FAT3: variants seen among roughly 807,000 people sequenced by gnomAD.
FAT3 encodes the protein FAT atypical cadherin 3.
FAT3 carries 95 observed loss-of-function variants against 310.2 expected under a neutral mutation model. That is an observed-to-expected ratio of 0.31 (90% CI 0.26 to 0.36). The LOEUF (loss-of-function observed/expected upper bound fraction) is 0.36, where lower values mean the gene tolerates loss of function less well. Ranked by LOEUF, FAT3 falls within the 10% of genes least tolerant of loss-of-function variation. The probability of loss-of-function intolerance (pLI) is 1.00; values close to 1 mark genes in which losing one functional copy is unlikely to be tolerated. For synonymous variants in FAT3, 2,314 were observed against 2,192.9 expected (o/e 1.06, Z -1.54); for missense variants, 5,408 against 5,715.6 (o/e 0.95, Z 1.74).
chr11:92,263,763 A>G (rs1007061104), intron 1 of FAT3, among the ~76,000 whole-genome samples: 1 of 152,020 alleles, frequency 6.6e-6, no homozygotes, highest in African/African-American at 2.4e-5. Flanking sequence ...GTCAGCATTG[A>G]TCATGTCCTA....
chr11:92,508,046 G>C (rs1400532246), intron 2 of FAT3, among the ~76,000 whole-genome samples: 1 of 152,070 alleles, frequency 6.6e-6, no homozygotes, highest in Non-Finnish European at 1.5e-5. Context: ...TTATAAACTT[G>C]TCATAATAAA....
intron 1 of FAT3, among the ~76,000 whole-genome samples, chr11:92,338,025 A>G (rs553721841): frequency 1.3e-5 from 2 of 152,306 alleles, no homozygotes; most frequent in South Asian, 4.1e-4. Context: ...AATCTATTCT[A>G]AAAGAAAATT....
intron 23 of FAT3, among the ~76,000 whole-genome samples, chr11:92,881,853 C>T (rs1340737190): frequency 6.6e-6 from 1 of 152,148 alleles, no homozygotes; most frequent in Non-Finnish European, 1.5e-5. Flanking sequence ...AATTATTTTT[C>T]ATTAGAATGC....
At chr11:92,229,514 G>GT (rs1241053262) in intron 1 of FAT3, among the ~76,000 whole-genome samples, 2 of 59,314 alleles carry the variant, frequency 3.4e-5, no homozygotes, top group Non-Finnish European at 6.1e-5. Flanking sequence ...TTTGTTTTTT[G>GT]TTTTTTTTTA....
At chr11:92,450,276 C>A (rs1463380248) in intron 2 of FAT3, among the ~76,000 whole-genome samples, 4 of 152,074 alleles carry the variant, frequency 2.6e-5, no homozygotes, top group African/African-American at 9.7e-5. Flanking sequence ...CATTTTTAAC[C>A]TTGACATTGG....
intron 2 of FAT3, among the ~76,000 whole-genome samples, chr11:92,376,157 A>C (rs10765548): frequency 0.37 from 55,875 of 151,974 alleles, 14,720 homozygotes; most frequent in African/African-American, 0.75. Flanking sequence ...AAGAGTTTGT[A>C]CCCCTGTACT....
At chr11:92,337,390 G>A (rs1948117382) in intron 1 of FAT3, among the ~76,000 whole-genome samples, 1 of 152,166 alleles carries the variant, frequency 6.6e-6, no homozygotes, top group Non-Finnish European at 1.5e-5. Flanking sequence ...AAGGCTGGGA[G>A]CTAACATTTT....
At position 92,883,225 on chromosome 11, in the gene FAT3, G is replaced by A. The variant is rs2136415979; in HGVS notation, c.12769G>A (p.Gly4257Arg). The part of the protein sequence containing the change: ...SNLDKIVDGL[G>R]GEHQEMTTFH... Reference sequence around the variant, plus strand: ...CCTGGATAAGATCGTGGACGGGCTGGGAGGCGAGCACCAGGAAATGACCAC... The same window carrying A: ...CCTGGATAAGATCGTGGACGGGCTGAGAGGCGAGCACCAGGAAATGACCAC... Residue 4257 changes from glycine (G) to arginine (R), a missense_variant, in exon 24 of 28, where the codon GGA becomes AGA. Gly to Arg is a moderately radical substitution (Grantham distance 125). This residue lies in a region of FAT3 where 649 missense variants were observed against 666.2 expected (regional missense o/e 0.97). Transcript: ENST00000525166. This position sits in a 1 kb window ranked among gnomAD's most constrained non-coding sequence, Gnocchi z 4.2. The A allele has an allele frequency of 6.2e-7, 1 of 1,613,130 alleles. No individual in the cohort carries two copies. The highest frequency in any genetic ancestry group is 8.5e-7 in the Non-Finnish European group (1 of 1,179,852).
intron 1 of FAT3, among the ~76,000 whole-genome samples, chr11:92,343,186 G>C (rs374718786): frequency 6.6e-6 from 1 of 152,096 alleles, no homozygotes; most frequent in South Asian, 2.1e-4. Flanking sequence ...TCTTTCCTAA[G>C]AGACCACTCT....
intron 9 of FAT3, among the ~76,000 whole-genome samples, chr11:92,797,298 G>A (rs1043791499): frequency 5.9e-5 from 9 of 152,178 alleles, no homozygotes; most frequent in Admixed American, 2.0e-4. Flanking sequence ...TTGATAGGGT[G>A]AAATAATACC....
intron 3 of FAT3, among the ~76,000 whole-genome samples, chr11:92,547,891 G>C (rs1430088389): frequency 2.6e-5 from 4 of 152,158 alleles, no homozygotes; most frequent in Admixed American, 6.5e-5. Context: ...CTGATGTGTG[G>C]AGGGCTGTGC....
intron 3 of FAT3, among the ~76,000 whole-genome samples, chr11:92,613,120 T>C (rs984635875): frequency 2.6e-5 from 4 of 152,240 alleles, no homozygotes; most frequent in East Asian, 3.8e-4. Context: ...CTATAGATCA[T>C]GTTCAAGTAT....
chr11:92,272,983 G>A (rs1946168175), intron 1 of FAT3, among the ~76,000 whole-genome samples: 1 of 152,110 alleles, frequency 6.6e-6, no homozygotes. Context: ...GGAGGACTAT[G>A]TTTTTTCATA....
In FAT3 at chr11:92,501,537, G is replaced by A. The variant is rs115865251; in HGVS notation, c.3293-23097G>A. Among the ~76,000 whole-genome samples the A allele has an allele frequency of 9.1e-4, 139 of 152,134 alleles. 2 individuals are homozygous for A. Among genetic ancestry groups the A allele is most frequent in the East Asian group, 5.0e-3 (26 of 5,150 alleles). ...ATGGCGGTATTCATGTGTGAAAGCC[G>A]TCTAGTAACTACTTTAAGGAATTTC... is the stretch of plus-strand genomic sequence containing the variant. On this transcript the variant is annotated intron_variant, in intron 2 of 27. Coordinates refer to ENST00000525166, the MANE Select transcript of FAT3 (RefSeq NM_001367949.2).
At position 92,352,489 on chromosome 11, in the gene FAT3, T is replaced by C. The variant is rs1948595944; in HGVS notation, c.377T>C (p.Leu126Ser). ...ILNREIQDNYLLIVKGSVRGE... is the reference protein window; with the variant it reads ...ILNREIQDNYSLIVKGSVRGE... The stretch of plus-strand genomic sequence containing the variant: ...AATAGGGAAATCCAGGATAATTATT[T>C]ATTGATAGTAAAAGGTTCTGTCAGA... Residue 126 changes from leucine (L) to serine (S), a missense_variant, in exon 2 of 28, where the codon TTA becomes TCA. Leu to Ser is a moderately radical substitution (Grantham distance 145). Transcript: ENST00000525166. 3.7e-6 allele frequency: 6 copies of C among 1,612,738 alleles called. No individual in the cohort carries two copies. Among genetic ancestry groups the C allele is most frequent in the Non-Finnish European group, 5.1e-6 (6 of 1,179,680 alleles).
At chr11:92,306,014 A>C (rs1481026532) in intron 1 of FAT3, among the ~76,000 whole-genome samples, 1 of 152,148 alleles carries the variant, frequency 6.6e-6, no homozygotes, top group East Asian at 1.9e-4. Context: ...AGTAAAGGGT[A>C]TGTGGAAACT....
intron 8 of FAT3, among the ~76,000 whole-genome samples, chr11:92,790,803 T>G (rs762368105): frequency 5.9e-5 from 9 of 152,184 alleles, no homozygotes; most frequent in Non-Finnish European, 1.2e-4. Context: ...TTTAAAGTAG[T>G]GTTTAGCTAG....
intron 1 of FAT3, among the ~76,000 whole-genome samples, chr11:92,308,553 G>T (rs1305306902): frequency 6.6e-6 from 1 of 152,106 alleles, no homozygotes; most frequent in Non-Finnish European, 1.5e-5. Context: ...CCACAGGTTA[G>T]CTAACATGTA....
intron 4 of FAT3, among the ~76,000 whole-genome samples, chr11:92,754,545 G>A (rs943437939): frequency 8.8e-5 from 13 of 147,118 alleles, no homozygotes; most frequent in African/African-American, 2.3e-4. Flanking sequence ...GGAGAATGGC[G>A]TGAACCTGGG....
Sources: gnomAD v4.1 joint callset for allele counts (sites outside exome capture counted in the v4.1 genomes callset) on GRCh38, gnomAD v4.1.1 for gene constraint, gnomAD v4.1.1 regional missense constraint, Gnocchi (gnomAD v3.1) non-coding constraint, MANE v1.5 for transcripts, NCBI Gene and HGNC (gene_info 2026-07-23, HGNC 2026-07-21) for gene names.